The following CNBD1 variants were observed in gnomAD, a reference collection of about 807,000 sequenced individuals.
The protein encoded by CNBD1 is cyclic nucleotide-binding domain-containing protein 1.
In CNBD1, 71 loss-of-function variants were observed where a neutral mutation model predicts 54.4. That is an observed-to-expected ratio of 1.30 (90% CI 1.08 to 1.59). The LOEUF is 1.59. CNBD1 is among the 40% of genes most tolerant of loss of function. The pLI, the probability that CNBD1 is intolerant of heterozygous loss-of-function variation, is 0.00. For missense variants in CNBD1, 659 were observed against 518.0 expected, an observed-to-expected ratio of 1.27 and a Z score of -2.64; for synonymous variants, 182 against 170.7, an observed-to-expected ratio of 1.07 and a Z score of -0.51.
intron 4 of CNBD1, among the ~76,000 whole-genome samples, chr8:87,022,622 A>C (rs375593188): frequency 5.0e-4 from 76 of 152,346 alleles, no homozygotes; most frequent in African/African-American, 1.8e-3. Flanking sequence ...CCTTAAATTT[A>C]TTAAATCTAC....
At chr8:87,426,590 A>G (rs1254230054) in intron 2 of CNBD1, among the ~76,000 whole-genome samples, 1 of 152,198 alleles carries the variant, frequency 6.6e-6, no homozygotes, top group Non-Finnish European at 1.5e-5. Flanking sequence ...GCTACACAGA[A>G]CTTAGCTAAA....
chr8:87,229,801 T>G (rs1814627383), intron 5 of CNBD1, among the ~76,000 whole-genome samples: 2 of 152,210 alleles, frequency 1.3e-5, no homozygotes, highest in Non-Finnish European at 2.9e-5. Flanking sequence ...AAAACTTTTA[T>G]TTTCAAATTT....
In CNBD1 at chr8:86,998,221, T is replaced by A. The variant is rs535258041; in HGVS notation, c.431+58467T>A. Among the ~76,000 whole-genome samples the A allele has an allele frequency of 2.1e-4, 32 of 151,678 alleles. No homozygotes were observed. In the South Asian group the frequency reaches 4.8e-3, roughly 23 times the overall value. On this transcript the variant is annotated intron_variant, in intron 4 of 10. Coordinates refer to ENST00000518476, the MANE Select transcript of CNBD1 (RefSeq NM_173538.3). ...TGTGTGTGTTTCTGTTTTTTTTTTTTAATATATATTGCTGATTTATTAACA... is the reference window on the plus strand; with the variant it reads ...TGTGTGTGTTTCTGTTTTTTTTTTTAAATATATATTGCTGATTTATTAACA...
At chr8:87,368,331 A>C (rs779462604) in intron 10 of CNBD1, among the ~76,000 whole-genome samples, 25 of 151,994 alleles carry the variant, frequency 1.6e-4, no homozygotes, top group Non-Finnish European at 3.1e-4. Flanking sequence ...AGTGAAGATA[A>C]ATATGTAATT....
intron 8 of CNBD1, among the ~76,000 whole-genome samples, chr8:87,343,809 C>T (rs1328075211): frequency 6.6e-6 from 1 of 151,832 alleles, no homozygotes. Flanking sequence ...ATTTACATTG[C>T]CTAAAATGTC....
chr8:86,959,494 T>C (rs1010363534), intron 4 of CNBD1, among the ~76,000 whole-genome samples: 3 of 152,176 alleles, frequency 2.0e-5, no homozygotes, highest in East Asian at 3.9e-4. Flanking sequence ...ACCAATGAGA[T>C]GTAGATTTGG....
Position 87,284,828 on chromosome 8 carries a change from C to T in CNBD1, c.909+13C>T, listed in dbSNP as rs969311889. ...AAAGATAAAGGAGGTAAGATGATAT[C>T]TAATATTTTATATAAACAAAAATTG... On this transcript the variant is annotated intron_variant, in intron 7 of 10. Transcript: ENST00000518476. 24 of 1,539,640 alleles carry T rather than the reference C, an allele frequency of 1.6e-5. No individual in the cohort carries two copies. The Admixed American group carries it at 1.8e-4, about 12-fold the overall frequency.
At chr8:87,074,722 ACC>A (rs138023447) in intron 4 of CNBD1, among the ~76,000 whole-genome samples, 98 of 151,940 alleles carry the variant, frequency 6.4e-4, no homozygotes, top group African/African-American at 2.3e-3. Flanking sequence ...CTATCACCCC[ACC>A]CTGCTTTTCT....
intron 4 of CNBD1, among the ~76,000 whole-genome samples, chr8:87,053,746 G>T (rs940055542): frequency 6.6e-6 from 1 of 152,156 alleles, no homozygotes; most frequent in African/African-American, 2.4e-5. Flanking sequence ...GGTCTCCCAG[G>T]TATATGGATC....
chr8:87,040,192 T>G (rs927424111), intron 4 of CNBD1, among the ~76,000 whole-genome samples: 2 of 152,194 alleles, frequency 1.3e-5, no homozygotes, highest in African/African-American at 4.8e-5. Context: ...GGGGGTTTTT[T>G]GAGACAGATT....
At chr8:86,920,363 G>A (rs988916541) in intron 3 of CNBD1, among the ~76,000 whole-genome samples, 1 of 152,146 alleles carries the variant, frequency 6.6e-6, no homozygotes, top group Non-Finnish European at 1.5e-5. Context: ...GCTAAGTTTA[G>A]GAGTTTCCAG....
intron 7 of CNBD1, among the ~76,000 whole-genome samples, chr8:87,285,033 T>G (rs1458341485): frequency 6.6e-6 from 1 of 152,098 alleles, no homozygotes; most frequent in Non-Finnish European, 1.5e-5. Context: ...TTCAGGTAAT[T>G]TTTAAATACC....
At chr8:87,237,203 T>A in intron 6 of CNBD1, 91 bp downstream of exon 6, 1 of 647,304 alleles carries the variant, frequency 1.5e-6, no homozygotes, top group Non-Finnish European at 2.6e-6. Context: ...ATCCAATATC[T>A]TTAGAGTCCT....
At chr8:87,024,964 C>A (rs1380789333) in intron 4 of CNBD1, among the ~76,000 whole-genome samples, 1 of 152,080 alleles carries the variant, frequency 6.6e-6, no homozygotes, top group Non-Finnish European at 1.5e-5. Context: ...GACTAAGAAT[C>A]AGACAAAGAG....
chr8:87,371,709 G>A (rs62526823), intron 10 of CNBD1, among the ~76,000 whole-genome samples: 6,603 of 152,034 alleles, frequency 0.043, 192 homozygotes, highest in Non-Finnish European at 0.06. Context: ...ATGTAATCCA[G>A]CGTATAAACA....
intron 4 of CNBD1, among the ~76,000 whole-genome samples, chr8:87,122,461 A>G (rs1158259843): frequency 3.3e-5 from 5 of 151,818 alleles, no homozygotes; most frequent in African/African-American, 1.2e-4. Flanking sequence ...TGTATGGTTT[A>G]TAAATATTTT....
At position 87,170,001 on chromosome 8, in the gene CNBD1, T is replaced by C. The variant is rs1007850412; in HGVS notation, c.432-35992T>C. 1.3e-5 allele frequency among the ~76,000 whole-genome samples: 2 copies of C among 152,074 alleles called. 1 individual carries two copies. Among genetic ancestry groups the C allele is most frequent in the Non-Finnish European group, 2.9e-5 (2 of 67,948 alleles). On this transcript the variant is annotated intron_variant, in intron 4 of 10. Transcript: ENST00000518476. Reference sequence around the variant, plus strand: ...GAGTTTGTAGATGTAGATTGCTTTGTGTATTTATGGACATTTTAACAATTT... The same window carrying C: ...GAGTTTGTAGATGTAGATTGCTTTGCGTATTTATGGACATTTTAACAATTT...
intron 2 of CNBD1, among the ~76,000 whole-genome samples, chr8:87,412,142 C>A (rs866229499): frequency 6.6e-6 from 1 of 151,880 alleles, no homozygotes; most frequent in South Asian, 2.1e-4. Flanking sequence ...TTTTTCACTT[C>A]AAATTAAGAT....
chr8:87,392,021 T>C (rs1811319263), intron 2 of CNBD1, among the ~76,000 whole-genome samples: 1 of 152,078 alleles, frequency 6.6e-6, no homozygotes, highest in Non-Finnish European at 1.5e-5. Flanking sequence ...GGCCTTTCTC[T>C]AAAGAAGAAT....
Sources: allele counts gnomAD v4.1 joint callset (sites outside exome capture counted in the v4.1 genomes callset), GRCh38; gene constraint gnomAD v4.1.1; transcripts MANE v1.5; gene names NCBI Gene and HGNC (gene_info 2026-07-23, HGNC 2026-07-21).